Variants in TENM4 observed in about 807,000 individuals in gnomAD.
TENM4 encodes the protein teneurin-4.
TENM4 carries 82 observed loss-of-function variants against 243.3 expected under a neutral mutation model. The observed-to-expected ratio is 0.34, with a 90% CI of 0.28 to 0.40. The LOEUF is 0.40. Among genes scored for constraint, TENM4 ranks in the 10% least tolerant of loss-of-function variants. The probability of loss-of-function intolerance (pLI) is 1.00; values close to 1 mark genes in which losing one functional copy is unlikely to be tolerated. For missense variants in TENM4, 3,138 were observed against 3,673.3 expected (o/e 0.85, Z 3.77); for synonymous variants, 1,412 against 1,456.3 (o/e 0.97, Z 0.69).
chr11:79,343,885 T>C (rs1857282922), intron 1 of TENM4, among the ~76,000 whole-genome samples: 1 of 152,240 alleles, frequency 6.6e-6, no homozygotes. Context: ...AGCCTGGATC[T>C]GCAGGGGCTT....
chr11:78,951,961 C>G (rs971402295), intron 6 of TENM4, among the ~76,000 whole-genome samples: 1 of 152,132 alleles, frequency 6.6e-6, no homozygotes, highest in Non-Finnish European at 1.5e-5. Flanking sequence ...CTAGGAAGTT[C>G]CCCCAACCTC....
At chr11:79,073,656 G>A (rs1366770704) in intron 4 of TENM4, among the ~76,000 whole-genome samples, 1 of 152,108 alleles carries the variant, frequency 6.6e-6, no homozygotes, top group Non-Finnish European at 1.5e-5. Context: ...CTTGCGGTAT[G>A]CATCCCCCAC....
chr11:79,416,633 C>T (rs148489062), intron 1 of TENM4, among the ~76,000 whole-genome samples: 17 of 152,292 alleles, frequency 1.1e-4, no homozygotes, highest in African/African-American at 4.1e-4. Context: ...TGTATCATCT[C>T]ACCCTCATAA....
At chr11:79,380,076 G>T (rs1239330033) in intron 1 of TENM4, among the ~76,000 whole-genome samples, 1 of 152,104 alleles carries the variant, frequency 6.6e-6, no homozygotes, top group Admixed American at 6.5e-5. Flanking sequence ...CAGGACAATT[G>T]TTCTCTGTCT....
At chr11:78,997,457 C>G (rs1858203843) in intron 6 of TENM4, among the ~76,000 whole-genome samples, 1 of 152,214 alleles carries the variant, frequency 6.6e-6, no homozygotes, top group Non-Finnish European at 1.5e-5. Context: ...AATAAAATGA[C>G]TGTTACAACT....
rs1858250562 is a variant in TENM4, at chr11:78,669,423, G to A, written c.6922C>T (p.His2308Tyr). ...RRVSSKSSHS[H>Y]HLQFFYADLT... ...TCTGCATAGAAGAACTGCAGGTGGT[G>A]GCTGTGGCTGCTCTTGCTGGACACG... The change falls in exon 32 of 34, where the codon CAC (histidine) becomes TAC (tyrosine). Residue 2308 changes from histidine to tyrosine, a missense_variant. Coordinates refer to ENST00000278550, the MANE Select transcript of TENM4 (RefSeq NM_001098816.3). The surrounding 1 kb of genome is among the most constrained non-coding windows in gnomAD (Gnocchi z 6.4). The A allele has an allele frequency of 6.2e-7, 1 of 1,613,028 alleles. No homozygotes were observed. Among genetic ancestry groups the A allele is most frequent in the African/African-American group, 1.3e-5 (1 of 74,910 alleles).
chr11:78,965,164 G>A (rs759579282), intron 6 of TENM4, among the ~76,000 whole-genome samples: 3 of 151,920 alleles, frequency 2.0e-5, no homozygotes, highest in African/African-American at 7.3e-5. Context: ...CACCACGCCC[G>A]GCCCCTCATT....
intron 19 of TENM4, among the ~76,000 whole-genome samples, chr11:78,743,014 C>G (rs1015353129): frequency 6.6e-6 from 1 of 152,122 alleles, no homozygotes; most frequent in Non-Finnish European, 1.5e-5. Context: ...TTTTTCCCAA[C>G]CTGGTATAAA....
chr11:79,375,937 T>C (rs1857882698), intron 1 of TENM4, among the ~76,000 whole-genome samples: 1 of 152,178 alleles, frequency 6.6e-6, no homozygotes, highest in Non-Finnish European at 1.5e-5. Flanking sequence ...CAGCTCTGCT[T>C]TCTATCCTAA....
intron 19 of TENM4, among the ~76,000 whole-genome samples, chr11:78,752,473 G>A (rs909102643): frequency 1.1e-4 from 16 of 152,228 alleles, no homozygotes; most frequent in Admixed American, 8.5e-4. Flanking sequence ...GCAGAGAGAA[G>A]GAGCTCCACT....
chr11:78,861,486 T>C (rs531440696), intron 10 of TENM4, among the ~76,000 whole-genome samples: 145 of 152,332 alleles, frequency 9.5e-4, no homozygotes, highest in Non-Finnish European at 1.8e-3. Context: ...CATATCCTAT[T>C]AAGAGGCAAA....
intron 6 of TENM4, among the ~76,000 whole-genome samples, chr11:78,993,512 A>G (rs2136672656): frequency 6.6e-6 from 1 of 152,092 alleles, no homozygotes; most frequent in South Asian, 2.1e-4. Flanking sequence ...ACCACTTGAC[A>G]TTGTCCCTCA....
intron 1 of TENM4, among the ~76,000 whole-genome samples, chr11:79,391,431 G>A (rs1016631096): frequency 2.6e-5 from 4 of 152,072 alleles, no homozygotes; most frequent in Non-Finnish European, 5.9e-5. Context: ...GGGTACCTGA[G>A]GTCCACATGT....
chr11:78,711,480 A>G (rs1440304793), intron 26 of TENM4, among the ~76,000 whole-genome samples: 1 of 152,232 alleles, frequency 6.6e-6, no homozygotes, highest in African/African-American at 2.4e-5. Flanking sequence ...TGATTTCACT[A>G]GAATCTCCTG....
At chr11:78,686,784 C>T (rs112832410) in intron 29 of TENM4, among the ~76,000 whole-genome samples, 112 of 152,230 alleles carry the variant, frequency 7.4e-4, no homozygotes, top group African/African-American at 2.2e-3. Context: ...TCAAAAACCA[C>T]GGTTAAAGGT....
chr11:79,080,071 C>T (rs1860629341), intron 4 of TENM4, among the ~76,000 whole-genome samples: 1 of 152,178 alleles, frequency 6.6e-6, no homozygotes, highest in African/African-American at 2.4e-5. Flanking sequence ...AAGCCTAATG[C>T]CTTTGCCTCA....
At chr11:78,815,056 G>C (rs1349363724) in intron 12 of TENM4, among the ~76,000 whole-genome samples, 1 of 152,090 alleles carries the variant, frequency 6.6e-6, no homozygotes, top group Admixed American at 6.5e-5. Flanking sequence ...CATTTGCTAA[G>C]ATGAAAAAAA....
At chr11:79,023,887 C>G (rs961943833) in intron 6 of TENM4, among the ~76,000 whole-genome samples, 41 of 152,168 alleles carry the variant, frequency 2.7e-4, no homozygotes, top group African/African-American at 9.4e-4. Context: ...AGGGGTGGGC[C>G]TCATTCTTTG....
intron 6 of TENM4, among the ~76,000 whole-genome samples, chr11:78,978,108 A>G (rs1857706020): frequency 6.6e-6 from 1 of 152,090 alleles, no homozygotes; most frequent in African/African-American, 2.4e-5. Flanking sequence ...ACAGGAACAG[A>G]AAACCAAACA....
Sources: allele counts gnomAD v4.1 joint callset (sites outside exome capture counted in the v4.1 genomes callset), GRCh38; gene constraint gnomAD v4.1.1; non-coding constraint Gnocchi (gnomAD v3.1); transcripts MANE v1.5; gene names NCBI Gene and HGNC (gene_info 2026-07-23, HGNC 2026-07-21).